The following CFAP61 variants were observed in gnomAD, a reference collection of about 807,000 sequenced individuals.
CFAP61 encodes cilia and flagella associated protein 61.
CFAP61 carries 107 observed loss-of-function variants against 135.6 expected under a neutral mutation model. The ratio of observed to expected loss-of-function variants is 0.79; its 90% CI spans 0.67 to 0.93. The LOEUF is 0.93. Ranked by LOEUF, CFAP61 falls within the 40% of genes least tolerant of loss-of-function variation. The pLI, the probability that CFAP61 is intolerant of heterozygous loss-of-function variation, is 0.00. For synonymous variants in CFAP61, 575 were observed against 578.5 expected, an observed-to-expected ratio of 0.99 and a Z score of 0.09; for missense variants, 1,507 against 1,556.2, an observed-to-expected ratio of 0.97 and a Z score of 0.53.
intron 8 of CFAP61, among the ~76,000 whole-genome samples, chr20:20,120,357 A>C (rs1404645070): frequency 6.6e-6 from 1 of 152,164 alleles, no homozygotes; most frequent in Non-Finnish European, 1.5e-5. Flanking sequence ...TGTTTCAAGA[A>C]ATTTTTAAAT....
chr20:20,062,571 T>A (rs1024855172), intron 2 of CFAP61, among the ~76,000 whole-genome samples: 2 of 151,880 alleles, frequency 1.3e-5, no homozygotes, highest in Non-Finnish European at 2.9e-5. Context: ...AAGCCAAAAG[T>A]TTGTTCTTTA....
chr20:20,141,353 G>A (rs989564237), intron 8 of CFAP61, among the ~76,000 whole-genome samples: 5 of 152,198 alleles, frequency 3.3e-5, no homozygotes, highest in African/African-American at 9.7e-5. Flanking sequence ...TCCTGCTCTT[G>A]TCATGATGAG....
At chr20:20,323,099 G>C (rs2057596243) in intron 25 of CFAP61, 1 of 985,280 alleles carries the variant, frequency 1.0e-6, no homozygotes, top group South Asian at 4.7e-5. Flanking sequence ...CCATACCTGT[G>C]AGCTACTCTG....
chr20:20,084,645 G>C (rs945420090), intron 6 of CFAP61, among the ~76,000 whole-genome samples: 4 of 152,196 alleles, frequency 2.6e-5, no homozygotes, highest in African/African-American at 9.6e-5. Flanking sequence ...GACCCATCAG[G>C]CTGCGAGGGA....
intron 6 of CFAP61, among the ~76,000 whole-genome samples, chr20:20,086,001 G>A (rs1032825642): frequency 3.9e-5 from 6 of 152,154 alleles, no homozygotes; most frequent in African/African-American, 9.7e-5. Context: ...GAGGGCTCAC[G>A]TGGAGAACAA....
intron 21 of CFAP61, among the ~76,000 whole-genome samples, chr20:20,276,313 A>G (rs1348150700): frequency 1.3e-5 from 2 of 152,184 alleles, no homozygotes; most frequent in African/African-American, 4.8e-5. Context: ...TAAAATTGGT[A>G]TATCTTACCT....
At chr20:20,284,604 A>ATATC (rs2054448215) in intron 22 of CFAP61, among the ~76,000 whole-genome samples, 1 of 152,098 alleles carries the variant, frequency 6.6e-6, no homozygotes, top group Non-Finnish European at 1.5e-5. Context: ...CTTTTTAACT[A>ATATC]TATCTTATCT....
intron 17 of CFAP61, among the ~76,000 whole-genome samples, chr20:20,226,801 A>G (rs2048766051): frequency 6.6e-6 from 1 of 152,224 alleles, no homozygotes; most frequent in Admixed American, 6.5e-5. Flanking sequence ...GTCACTGAGG[A>G]AAGAGAGTGG....
chr20:20,239,660 G>C (rs989433591), intron 18 of CFAP61, among the ~76,000 whole-genome samples: 3 of 152,170 alleles, frequency 2.0e-5, no homozygotes, highest in African/African-American at 7.2e-5. Flanking sequence ...CAAAAAGCTA[G>C]AAGTGCTAGA....
chr20:20,084,715 G>T (rs532378805), intron 6 of CFAP61, among the ~76,000 whole-genome samples: 1 of 152,322 alleles, frequency 6.6e-6, no homozygotes, highest in African/African-American at 2.4e-5. Context: ...CCGACTGGTG[G>T]AAGTGCTGAG....
chr20:20,070,925 A>G lies in CFAP61; in HGVS notation c.215A>G (p.Asp72Gly), dbSNP rs555640095. The change falls in exon 3 of 27, where the codon GAC becomes GGC. Residue 72 changes from aspartate (D) to glycine (G), a missense_variant. Physicochemically the swap from Asp to Gly is moderately conservative, Grantham distance 94. Transcript: ENST00000245957. ...EEIMAQATFL[D>G]YPNWNVAKQD... ...ATCATGGCCCAGGCCACCTTCCTGG[A>G]CTACCCCAACTGGAATGTTGCCAAG... The G allele has an allele frequency of 6.2e-7, 1 of 1,614,120 alleles. No homozygotes were observed. The highest frequency in any genetic ancestry group is 2.2e-5 in the East Asian group (1 of 44,868).
intron 14 of CFAP61, among the ~76,000 whole-genome samples, chr20:20,190,636 G>A (rs1180099702): frequency 6.6e-6 from 1 of 152,046 alleles, no homozygotes; most frequent in African/African-American, 2.4e-5. Flanking sequence ...CCTGCTTGTA[G>A]TATTAGACTA....
At chr20:20,142,602 C>T (rs1027764666) in intron 8 of CFAP61, among the ~76,000 whole-genome samples, 13 of 152,184 alleles carry the variant, frequency 8.5e-5, no homozygotes, top group African/African-American at 3.1e-4. Context: ...TCCACAACTC[C>T]CCTGGGCAGC....
chr20:20,348,711 A>AAAG (rs1354723499), intron 26 of CFAP61, among the ~76,000 whole-genome samples: 1 of 147,904 alleles, frequency 6.8e-6, no homozygotes, highest in Non-Finnish European at 1.5e-5. Context: ...AAAAAAAAAA[A>AAAG]GAACAAAGGG....
At chr20:20,279,222 T>G (rs1311626954) in intron 22 of CFAP61, among the ~76,000 whole-genome samples, 2 of 152,084 alleles carry the variant, frequency 1.3e-5, no homozygotes, top group African/African-American at 4.8e-5. Context: ...TCTGGCAAAT[T>G]AAATTGACCC....
At chr20:20,232,228 G>T (rs963017861) in intron 18 of CFAP61, among the ~76,000 whole-genome samples, 2 of 152,040 alleles carry the variant, frequency 1.3e-5, no homozygotes, top group South Asian at 2.1e-4. Context: ...ACCCTCTCAG[G>T]GTGAGATCTG....
At chr20:20,181,400 G>A (rs1305962049) in intron 13 of CFAP61, among the ~76,000 whole-genome samples, 1 of 151,676 alleles carries the variant, frequency 6.6e-6, no homozygotes, top group Non-Finnish European at 1.5e-5. Flanking sequence ...TTTATTGTGT[G>A]TGTGACCTGA....
intron 16 of CFAP61, among the ~76,000 whole-genome samples, chr20:20,198,121 G>GT (rs932090253): frequency 2.6e-5 from 4 of 152,026 alleles, no homozygotes; most frequent in South Asian, 2.1e-4. Flanking sequence ...CTCTGCTCTA[G>GT]TTTTTTTTAG....
chr20:20,240,488 C>A (rs1394266912), intron 18 of CFAP61, among the ~76,000 whole-genome samples: 1 of 152,084 alleles, frequency 6.6e-6, no homozygotes, highest in African/African-American at 2.4e-5. Context: ...TGCTGCTAGA[C>A]CCTGGGTACT....
Sources: gnomAD v4.1 joint callset for allele counts (sites outside exome capture counted in the v4.1 genomes callset) on GRCh38, gnomAD v4.1.1 for gene constraint, MANE v1.5 for transcripts, NCBI Gene and HGNC (gene_info 2026-07-23, HGNC 2026-07-21) for gene names.